RAD50: variants seen among roughly 807,000 people sequenced by gnomAD.
RAD50 encodes RAD50 double strand break repair protein.
Under a neutral mutation model 168.8 loss-of-function variants are expected in RAD50, and 132 were observed. The ratio of observed to expected loss-of-function variants is 0.78; its 90% CI spans 0.68 to 0.90. The LOEUF is 0.90. RAD50 is among the 40% of genes least tolerant of loss of function. The probability of loss-of-function intolerance (pLI) is 0.00; values close to 1 mark genes in which losing one functional copy is unlikely to be tolerated. For missense variants in RAD50, 1,347 were observed against 1,534.4 expected (o/e 0.88, Z 2.04); for synonymous variants, 525 against 497.4 (o/e 1.06, Z -0.74).
At chr5:132,581,644 A>T (rs1346844650) in intron 5 of RAD50, among the ~76,000 whole-genome samples, 1 of 152,152 alleles carries the variant, frequency 6.6e-6, no homozygotes, top group Non-Finnish European at 1.5e-5. Flanking sequence ...TACAAGCTTA[A>T]TCAGAACAGG....
intron 21 of RAD50, 60 bp from the exon 22 acceptor site, chr5:132,637,055 A>G: frequency 8.2e-7 from 1 of 1,226,884 alleles, no homozygotes; most frequent in African/African-American, 1.6e-5. Context: ...GTATTTTAAT[A>G]TTACTATTAC....
Position 132,640,621 on chromosome 5 carries a change from A to G in RAD50, c.3619-51A>G. On this transcript the variant is annotated intron_variant, in intron 23 of 24. Coordinates refer to ENST00000378823, the MANE Select transcript of RAD50 (RefSeq NM_005732.4). ...ATCATGTCAGGACTGCTTGCCTGCC[A>G]TGAGATGAGAAGGTCTGTGCTGGGC... 2.5e-6 allele frequency: 4 copies of G among 1,613,144 alleles called. 1 individual carries two copies. In the South Asian group the frequency reaches 3.3e-5, roughly 13 times the overall value.
intron 21 of RAD50, among the ~76,000 whole-genome samples, chr5:132,621,764 C>T (rs1163241485): frequency 6.6e-6 from 1 of 151,976 alleles, no homozygotes; most frequent in Non-Finnish European, 1.5e-5. Flanking sequence ...GCCTTTTTCC[C>T]CTGGTTCTCT....
At chr5:132,634,503 C>T (rs947164536) in intron 21 of RAD50, among the ~76,000 whole-genome samples, 14 of 152,132 alleles carry the variant, frequency 9.2e-5, no homozygotes, top group Admixed American at 8.5e-4. Flanking sequence ...AAAATAATGA[C>T]AGGCTTTTCT....
At chr5:132,619,823 T>TACTC (rs1561651583) in intron 21 of RAD50, among the ~76,000 whole-genome samples, 19 of 133,310 alleles carry the variant, frequency 1.4e-4, no homozygotes, top group African/African-American at 5.4e-4. Context: ...CTCCTCTCTC[T>TACTC]CTCTCTCTCT....
At chr5:132,575,694 T>C (rs1750382339) in intron 2 of RAD50, 83 bp from the exon 3 acceptor site, 2 of 1,362,570 alleles carry the variant, frequency 1.5e-6, no homozygotes, top group African/African-American at 1.4e-5. Context: ...TCATTTTGGG[T>C]AAGATTGCTT....
At chr5:132,599,907 G>A (rs1406898129) in intron 13 of RAD50, among the ~76,000 whole-genome samples, 1 of 152,134 alleles carries the variant, frequency 6.6e-6, no homozygotes, top group Non-Finnish European at 1.5e-5. Context: ...TCCACCTCTG[G>A]TTAGGATACT....
intron 2 of RAD50, among the ~76,000 whole-genome samples, chr5:132,560,427 T>C (rs1418071679): frequency 6.6e-6 from 1 of 152,174 alleles, no homozygotes; most frequent in Non-Finnish European, 1.5e-5. Context: ...AGAAATGTAA[T>C]AGTATTTAGT....
intron 12 of RAD50, 89 bp from the exon 13 acceptor site, chr5:132,595,484 A>G (rs1750773046): frequency 5.0e-6 from 4 of 798,448 alleles, no homozygotes; most frequent in Non-Finnish European, 6.0e-6. Context: ...GAATAATCAT[A>G]TATTTATAGA....
chr5:132,625,839 AT>A (rs1165049406), intron 21 of RAD50, among the ~76,000 whole-genome samples: 2 of 152,110 alleles, frequency 1.3e-5, no homozygotes, highest in Non-Finnish European at 2.9e-5. Flanking sequence ...CATCCATGTT[AT>A]TCCAGATGAC....
chr5:132,607,454 A>C (rs1022068414), intron 16 of RAD50, among the ~76,000 whole-genome samples: 2 of 152,228 alleles, frequency 1.3e-5, no homozygotes, highest in Admixed American at 1.3e-4. Context: ...ATAAACAGTT[A>C]TAAACAATCT....
chr5:132,594,877 T>G lies in RAD50; in HGVS notation c.1802T>G (p.Leu601Arg), dbSNP rs1345271674. ...ATTTGCTCTTATTTTAGCAAGGAAC[T>G]AGCTTCATCTGAGCAGAATAAAAAT... The part of the protein sequence containing the change: ...RDRLAKLNKE[L>R]ASSEQNKNHI... The change falls in exon 12 of 25, where the codon CTA (leucine) becomes CGA (arginine). Residue 601 changes from leucine (L) to arginine (R), a missense_variant. Physicochemically the swap from Leu to Arg is moderately radical, Grantham distance 102. This residue lies in a region of RAD50 where 703 missense variants were observed against 767.7 expected (regional missense o/e 0.92). Coordinates refer to ENST00000378823, the MANE Select transcript of RAD50 (RefSeq NM_005732.4). 6.2e-7 allele frequency: 1 copy of G among 1,601,966 alleles called. No individual in the cohort carries two copies. The highest frequency in any genetic ancestry group is 1.1e-5 in the South Asian group (1 of 90,740).
intron 3 of RAD50, 142 bp from the exon 4 acceptor site, chr5:132,579,175 C>A: frequency 1.3e-6 from 1 of 787,690 alleles, no homozygotes; most frequent in South Asian, 1.7e-5. Flanking sequence ...CACTTTTTAG[C>A]ATGATGAAGC....
chr5:132,587,773 C>T, intron 6 of RAD50, 83 bp downstream of exon 6: 1 of 1,588,500 alleles, frequency 6.3e-7, no homozygotes, highest in Non-Finnish European at 8.6e-7. Context: ...TTGCCATCCA[C>T]ATTGGAAAAA....
rs900866059 is a variant in RAD50 at position 132,557,036 on chromosome 5, T to G, written c.-289T>G. ...TGAGTGCGCGGTTGCGGGGTCGCATTGTGGCTACGGCTTTGCGTCCCCGGC... is the reference window on the plus strand; with the variant it reads ...TGAGTGCGCGGTTGCGGGGTCGCATGGTGGCTACGGCTTTGCGTCCCCGGC... On this transcript the variant is annotated 5_prime_UTR_variant, in exon 1 of 25. It adds an upstream start codon to the 5' untranslated region. Transcript: ENST00000378823. The G allele has an allele frequency of 3.0e-6, 2 of 657,602 alleles. No individual in the cohort carries two copies. Among genetic ancestry groups the G allele is most frequent in the Non-Finnish European group, 4.8e-6 (2 of 416,788 alleles). The allele number at this position is 657,602 out of a possible 1,614,324, so 40.7% of individuals were successfully genotyped here.
At position 132,642,429 on chromosome 5, in the gene RAD50, T is replaced by TTTCTC; in HGVS notation, c.*66_*70dup. ...CAGAAAGTGTATAATAAGAAACTTA[T>TTTCTC]TTCTCATATCAACTTAGTCAATAAG... On this transcript the variant is annotated 3_prime_UTR_variant, in exon 25 of 25. Transcript: ENST00000378823. 1 of 1,378,822 alleles carries TTTCTC rather than the reference T, an allele frequency of 7.3e-7. No homozygotes were observed. The highest frequency in any genetic ancestry group is 1.0e-6 in the Non-Finnish European group (1 of 981,392). 85.4% of individuals were successfully genotyped at this position (1,378,822 alleles called of 1,614,324 possible).
In RAD50 at chr5:132,589,651, G is replaced by A; in HGVS notation, c.1266G>A (p.Glu422=). 1.3e-6 allele frequency: 2 copies of A among 1,594,748 alleles called. No individual in the cohort carries two copies. The highest frequency in any genetic ancestry group is 1.2e-5 in the South Asian group (1 of 86,652). ...TTTAGAATGACTTTGCAGAAAAAGA[G>A]ACTCTGAAACAAAAACAGATAGATG... is the stretch of plus-strand genomic sequence containing the variant. The part of the protein sequence containing the change: ...NQLMNDFAEK[E]TLKQKQIDEI... The change falls in exon 9 of 25, where the codon GAG becomes GAA. Residue 422 remains glutamate (E), a synonymous_variant. Coordinates refer to ENST00000378823, the MANE Select transcript of RAD50 (RefSeq NM_005732.4).
rs1373994339 is a variant in RAD50 at position 132,604,927 on chromosome 5, A to G, written c.2646A>G (p.Gln882=). ...SEKLQISTNL[Q]RRQQLEEQTV... is the part of the protein sequence containing the mutation. The stretch of plus-strand genomic sequence containing the variant: ...AACTTCAGATATCCACTAATTTGCA[A>G]CGTCGTCAGCAACTGGAGGAGCAGA... The change falls in exon 16 of 25, where the codon CAA becomes CAG. Residue 882 remains glutamine (Q), a synonymous_variant. Transcript: ENST00000378823. 1.2e-6 allele frequency: 2 copies of G among 1,614,060 alleles called. No homozygotes were observed. The highest frequency in any genetic ancestry group is 2.2e-5 in the South Asian group (2 of 91,076).
chr5:132,630,783 G>A (rs1365625082), intron 21 of RAD50: 2 of 152,204 alleles, frequency 1.3e-5, no homozygotes, highest in Non-Finnish European at 2.9e-5. Flanking sequence ...CCAGTCATGG[G>A]TTCTTAGCTT....
Sources: gnomAD v4.1 joint callset for allele counts (sites outside exome capture counted in the v4.1 genomes callset) on GRCh38, gnomAD v4.1.1 for gene constraint, gnomAD v4.1.1 regional missense constraint, MANE v1.5 for transcripts, NCBI Gene and HGNC (gene_info 2026-07-23, HGNC 2026-07-21) for gene names.